PRKAR1A: variants seen among roughly 807,000 people sequenced by gnomAD.
PRKAR1A encodes the protein cAMP-dependent protein kinase type I-alpha regulatory subunit.
In PRKAR1A, 3 loss-of-function variants were observed where a neutral mutation model predicts 52.0. That is an observed-to-expected ratio of 0.06 (90% CI 0.03 to 0.15). The LOEUF (loss-of-function observed/expected upper bound fraction) is 0.15, where lower values mean the gene tolerates loss of function less well. Ranked by LOEUF, PRKAR1A falls within the 10% of genes least tolerant of loss-of-function variation. PRKAR1A has a pLI of 1.00. For missense variants in PRKAR1A, 240 were observed against 477.4 expected, an observed-to-expected ratio of 0.50 and a Z score of 4.63; for synonymous variants, 188 against 168.4, an observed-to-expected ratio of 1.12 and a Z score of -0.90.
the PRKAR1A span, among the ~76,000 whole-genome samples, chr17:68,434,373 G>A: frequency 0.26 from 40,286 of 152,096 alleles, 5,990 homozygotes; most frequent in Middle Eastern, 0.35. Context: ...ACAGCATCTC[G>A]GCTTTCAGTT....
At chr17:68,421,444 T>C in the PRKAR1A span, 1 of 319,104 alleles carries the variant, frequency 3.1e-6, no homozygotes, top group Middle Eastern at 9.9e-4. Context: ...TATAAGTACA[T>C]TTTTTACACG....
At chr17:68,445,795 G>A in the PRKAR1A span, among the ~76,000 whole-genome samples, 3 of 152,282 alleles carry the variant, frequency 2.0e-5, no homozygotes, top group South Asian at 6.2e-4. Flanking sequence ...GCAGCTCCTC[G>A]CACATCTGAG....
chr17:68,449,184 G>C, the PRKAR1A span, among the ~76,000 whole-genome samples: 3 of 152,224 alleles, frequency 2.0e-5, no homozygotes, highest in Non-Finnish European at 4.4e-5. Context: ...TAATTGAATA[G>C]ATAAATCTGC....
At chr17:68,501,376 C>T in the PRKAR1A span, among the ~76,000 whole-genome samples, 2 of 152,190 alleles carry the variant, frequency 1.3e-5, no homozygotes, top group African/African-American at 4.8e-5. Flanking sequence ...ACTTCTCTCT[C>T]AATAGCCTGT....
chr17:68,534,183 A>T (rs1322038694), downstream of PRKAR1A, among the ~76,000 whole-genome samples: 1 of 152,170 alleles, frequency 6.6e-6, no homozygotes, highest in South Asian at 2.1e-4. Flanking sequence ...CAGAGCTGTG[A>T]CTTCATCTGG....
intron 11 of PRKAR1A, among the ~76,000 whole-genome samples, chr17:68,538,769 A>G (rs1021943919): frequency 6.6e-6 from 1 of 152,246 alleles, no homozygotes; most frequent in African/African-American, 2.4e-5. Context: ...GAGTGGGTCA[A>G]CGATTAAAGT....
At chr17:68,452,394 G>A in the PRKAR1A span, among the ~76,000 whole-genome samples, 4 of 152,148 alleles carry the variant, frequency 2.6e-5, no homozygotes, top group African/African-American at 4.8e-5. Flanking sequence ...GTGAAACCCC[G>A]TCTCTACTAA....
intron 2 of PRKAR1A, among the ~76,000 whole-genome samples, chr17:68,519,497 C>T (rs2085536950): frequency 1.3e-5 from 2 of 152,178 alleles, no homozygotes; most frequent in African/African-American, 2.4e-5. Flanking sequence ...ATTAAATTAC[C>T]TCCCACCAGG....
chr17:68,448,244 C>G, the PRKAR1A span: 1 of 152,146 alleles, frequency 6.6e-6, no homozygotes, highest in Non-Finnish European at 1.5e-5. Flanking sequence ...TTGCTTAAAC[C>G]AAAATTTAAG....
chr17:68,495,663 G>T, the PRKAR1A span, among the ~76,000 whole-genome samples: 1 of 151,946 alleles, frequency 6.6e-6, no homozygotes, highest in Non-Finnish European at 1.5e-5. Flanking sequence ...TAGCACATTT[G>T]TTCTCATGTC....
chr17:68,523,070 G>GT (rs1373583140), intron 3 of PRKAR1A, 144 bp downstream of exon 3: 3 of 952,232 alleles, frequency 3.2e-6, no homozygotes, highest in Non-Finnish European at 4.7e-6. Context: ...TGGAAAACAG[G>GT]TTTCTGTAAT....
intron 11 of PRKAR1A, chr17:68,542,626 A>G (rs2086354480): frequency 8.3e-7 from 1 of 1,203,980 alleles, no homozygotes; most frequent in Non-Finnish European, 1.2e-6. Context: ...CCACTGATGA[A>G]TGGAGGGGTG....
At chr17:68,509,712 C>T (rs1456217808), upstream of PRKAR1A, among the ~76,000 whole-genome samples, 2 of 152,180 alleles carry the variant, frequency 1.3e-5, no homozygotes, top group Admixed American at 6.5e-5. Flanking sequence ...ATTTGGAAAG[C>T]ACTGAGGCTA....
the PRKAR1A span, among the ~76,000 whole-genome samples, chr17:68,471,969 G>A: frequency 6.6e-6 from 1 of 151,950 alleles, no homozygotes; most frequent in Non-Finnish European, 1.5e-5. Flanking sequence ...CCTGGCTAAT[G>A]TTTTTGTATT....
downstream of PRKAR1A, chr17:68,535,711 C>T (rs1213576242): frequency 2.2e-6 from 1 of 446,638 alleles, no homozygotes; most frequent in Non-Finnish European, 4.4e-6. Flanking sequence ...AGGGTTTTGT[C>T]ATGTTACCCA....
chr17:68,415,277 C>T, the PRKAR1A span, among the ~76,000 whole-genome samples: 1 of 152,144 alleles, frequency 6.6e-6, no homozygotes, highest in East Asian at 1.9e-4. Flanking sequence ...TCATTTTTGA[C>T]TCAATGATCA....
chr17:68,548,637 G>A lies in PRKAR1A; in HGVS notation c.974-2447G>A, dbSNP rs184804146. ...ACACCGATAGACTTGCTTGATGCAG[G>A]GTTGCCACAAGCCTTCACTTTGTAA... is the stretch of plus-strand genomic sequence containing the variant. On this transcript the variant is annotated intron_variant, in intron 11 of 11. Coordinates refer to the PRKAR1A transcript ENST00000585981. Among the ~76,000 whole-genome samples, 702 of 152,038 alleles carry A rather than the reference G, an allele frequency of 4.6e-3. 2 individuals are homozygous for A. Among genetic ancestry groups the A allele is most frequent in the Non-Finnish European group, 7.0e-3 (478 of 67,980 alleles).
chr17:68,433,455 G>C, the PRKAR1A span: 22 of 1,611,226 alleles, frequency 1.4e-5, no homozygotes, highest in Non-Finnish European at 1.8e-5. Flanking sequence ...TTGGTGCCCC[G>C]CGGAGTACTT....
the PRKAR1A span, chr17:68,427,124 T>G: frequency 6.2e-7 from 1 of 1,611,120 alleles, no homozygotes; most frequent in Non-Finnish European, 8.5e-7. Context: ...GTTGGCCCCG[T>G]GTCCACCCAC....
Sources: gnomAD v4.1 joint callset for allele counts (sites outside exome capture counted in the v4.1 genomes callset) on GRCh38, gnomAD v4.1.1 for gene constraint, MANE v1.5 for transcripts, NCBI Gene and HGNC (gene_info 2026-07-23, HGNC 2026-07-21) for gene names.